The following NPAS3 variants were observed in gnomAD, a reference collection of about 807,000 sequenced individuals.
NPAS3 encodes the protein neuronal PAS domain-containing protein 3.
Under a neutral mutation model 73.1 loss-of-function variants are expected in NPAS3, and 14 were observed. The ratio of observed to expected loss-of-function variants is 0.19; its 90% confidence interval spans 0.13 to 0.30. The LOEUF is 0.30. Ranked by LOEUF, NPAS3 falls within the 10% of genes least tolerant of loss-of-function variation. The pLI is 1.00. For synonymous variants in NPAS3, 620 were observed against 541.5 expected (o/e 1.14, Z -2.01); for missense variants, 1,096 against 1,250.0 (o/e 0.88, Z 1.86).
At chr14:33,678,086 A>G (rs755546407) in intron 6 of NPAS3, among the ~76,000 whole-genome samples, 2 of 152,162 alleles carry the variant, frequency 1.3e-5, no homozygotes, top group Non-Finnish European at 2.9e-5. Context: ...TCCTTGAATC[A>G]CAAATGCTCA....
intron 5 of NPAS3, among the ~76,000 whole-genome samples, chr14:33,641,412 C>A (rs1466963622): frequency 6.6e-6 from 1 of 152,144 alleles, no homozygotes; most frequent in East Asian, 1.9e-4. Flanking sequence ...TCTCCTCATA[C>A]CAGCTAAAGG....
At chr14:33,460,715 G>A (rs1263548358) in intron 4 of NPAS3, among the ~76,000 whole-genome samples, 1 of 151,994 alleles carries the variant, frequency 6.6e-6, no homozygotes, top group Non-Finnish European at 1.5e-5. Context: ...TGTTGTTGTG[G>A]TTGTCGTCGT....
At chr14:33,459,168 C>G (rs1280942058) in intron 4 of NPAS3, among the ~76,000 whole-genome samples, 1 of 152,084 alleles carries the variant, frequency 6.6e-6, no homozygotes, top group Non-Finnish European at 1.5e-5. Flanking sequence ...CTCTTGTTGC[C>G]ATTTTGGTTT....
At chr14:32,951,213 AC>A (rs759908433) in intron 1 of NPAS3, among the ~76,000 whole-genome samples, 4 of 152,024 alleles carry the variant, frequency 2.6e-5, no homozygotes, top group East Asian at 3.9e-4. Context: ...GCTAATACCT[AC>A]TTCCAGCTGC....
intron 3 of NPAS3, among the ~76,000 whole-genome samples, chr14:33,268,238 C>T (rs1235328092): frequency 6.6e-6 from 1 of 152,086 alleles, no homozygotes; most frequent in Non-Finnish European, 1.5e-5. Context: ...AGTCTTGGAG[C>T]CTGCTCTTGT....
At chr14:33,112,102 C>T (rs920882995) in intron 2 of NPAS3, among the ~76,000 whole-genome samples, 4 of 152,074 alleles carry the variant, frequency 2.6e-5, no homozygotes, top group Non-Finnish European at 4.4e-5. Flanking sequence ...CAAGTCTTTG[C>T]TATTGTGAAT....
At chr14:33,479,641 G>A (rs1181096092) in intron 4 of NPAS3, among the ~76,000 whole-genome samples, 1 of 152,162 alleles carries the variant, frequency 6.6e-6, no homozygotes, top group African/African-American at 2.4e-5. Context: ...AGCATCAAAA[G>A]AACACCGACA....
At chr14:33,549,799 A>C (rs1475215487) in intron 4 of NPAS3, among the ~76,000 whole-genome samples, 1 of 151,910 alleles carries the variant, frequency 6.6e-6, no homozygotes, top group Non-Finnish European at 1.5e-5. Context: ...CTTCATTCCC[A>C]TGATTCCTGT....
At chr14:33,352,384 A>G (rs1250658244) in intron 3 of NPAS3, among the ~76,000 whole-genome samples, 1 of 152,220 alleles carries the variant, frequency 6.6e-6, no homozygotes, top group African/African-American at 2.4e-5. Context: ...GTTTTGCTAC[A>G]GAGAGATTAA....
chr14:33,180,828 C>T (rs1337767603), intron 2 of NPAS3, among the ~76,000 whole-genome samples: 1 of 124,376 alleles, frequency 8.0e-6, no homozygotes, highest in Non-Finnish European at 1.8e-5. Flanking sequence ...AAAAAAAAGA[C>T]ACGGTAGGGG....
At chr14:33,059,721 A>C (rs2041026288) in intron 2 of NPAS3, among the ~76,000 whole-genome samples, 1 of 152,366 alleles carries the variant, frequency 6.6e-6, no homozygotes, top group South Asian at 2.1e-4. Flanking sequence ...CAATCTTATA[A>C]AAATATTTTC....
intron 5 of NPAS3, among the ~76,000 whole-genome samples, chr14:33,635,161 G>A (rs2140152811): frequency 6.6e-6 from 1 of 152,330 alleles, no homozygotes; most frequent in South Asian, 2.1e-4. Flanking sequence ...TTAAAGACAG[G>A]TGAGTGTTTT....
intron 2 of NPAS3, 183 bp from the exon 3 acceptor site, chr14:33,214,999 C>T (rs2047167606): frequency 1.6e-6 from 1 of 616,306 alleles, no homozygotes; most frequent in Non-Finnish European, 2.8e-6. Context: ...AAATGTAAGG[C>T]CAGAGTTAGA....
chr14:33,729,463 C>T (rs529721066), intron 6 of NPAS3, among the ~76,000 whole-genome samples: 4 of 152,216 alleles, frequency 2.6e-5, no homozygotes, highest in African/African-American at 4.8e-5. Context: ...TTCAGGTTAG[C>T]GATCTAGGAG....
At chr14:33,587,358 G>A (rs1477912797) in intron 5 of NPAS3, among the ~76,000 whole-genome samples, 2 of 152,176 alleles carry the variant, frequency 1.3e-5, no homozygotes, top group Non-Finnish European at 2.9e-5. Flanking sequence ...TGGCAGTCCA[G>A]TGTCCTTATT....
At chr14:33,645,020 G>C (rs2058786281) in intron 5 of NPAS3, among the ~76,000 whole-genome samples, 1 of 150,628 alleles carries the variant, frequency 6.6e-6, no homozygotes, top group South Asian at 2.1e-4. Flanking sequence ...GGTGGAGGTT[G>C]CAATGAGCTG....
intron 7 of NPAS3, among the ~76,000 whole-genome samples, chr14:33,764,536 A>AG (rs1169263008): frequency 1.3e-5 from 2 of 152,232 alleles, no homozygotes; most frequent in Non-Finnish European, 2.9e-5. Context: ...GGTGCTAAGT[A>AG]GGGGGAGTAG....
intron 3 of NPAS3, among the ~76,000 whole-genome samples, chr14:33,288,221 G>GTCTGCA (rs2140097051): frequency 6.6e-6 from 1 of 152,218 alleles, no homozygotes; most frequent in South Asian, 2.1e-4. Flanking sequence ...CCAGTTCATG[G>GTCTGCA]TCTGCATTCT....
chr14:33,689,044 C>A (rs1220000311), intron 6 of NPAS3, among the ~76,000 whole-genome samples: 1 of 152,210 alleles, frequency 6.6e-6, no homozygotes, highest in Non-Finnish European at 1.5e-5. Flanking sequence ...ACAATCCTGA[C>A]CGACATTTGA....
Sources: gnomAD v4.1 joint callset for allele counts (sites outside exome capture counted in the v4.1 genomes callset) on GRCh38, gnomAD v4.1.1 for gene constraint, MANE v1.5 for transcripts, NCBI Gene and HGNC (gene_info 2026-07-23, HGNC 2026-07-21) for gene names.